SUSD1: variants seen among roughly 807,000 people sequenced by gnomAD.
The protein encoded by SUSD1 is sushi domain containing 1.
Under a neutral mutation model 86.9 loss-of-function variants are expected in SUSD1, and 65 were observed. The observed-to-expected ratio is 0.75, with a 90% CI of 0.61 to 0.92. SUSD1 has a LOEUF of 0.92. Among genes scored for constraint, SUSD1 ranks in the 40% least tolerant of loss-of-function variants. The pLI is 0.00. For missense variants in SUSD1, 850 were observed against 929.7 expected, an observed-to-expected ratio of 0.91 and a Z score of 1.11; for synonymous variants, 346 against 350.0, an observed-to-expected ratio of 0.99 and a Z score of 0.13.
chr9:112,102,501 T>C (rs950034955), intron 8 of SUSD1, among the ~76,000 whole-genome samples: 2 of 152,258 alleles, frequency 1.3e-5, no homozygotes, highest in South Asian at 2.1e-4. Flanking sequence ...CTCAGTCTCC[T>C]TGTTTGTAAA....
At chr9:112,069,368 T>C (rs1469831855) in intron 12 of SUSD1, among the ~76,000 whole-genome samples, 2 of 151,982 alleles carry the variant, frequency 1.3e-5, no homozygotes, top group Non-Finnish European at 2.9e-5. Flanking sequence ...CACTCATTTG[T>C]TGAAATGAAG....
At chr9:112,174,988 G>T (rs1834210749) in intron 1 of SUSD1, 145 bp downstream of exon 1, 3 of 514,138 alleles carry the variant, frequency 5.8e-6, no homozygotes, top group South Asian at 8.4e-5. Context: ...GATCTCCAAC[G>T]GCCGGCGCGG....
Position 112,052,508 on chromosome 9 carries a change from G to A in SUSD1, c.2110-70C>T, listed in dbSNP as rs1014755431. The A allele has an allele frequency of 1.9e-6, 3 of 1,566,586 alleles. No homozygotes were observed. The Admixed American group carries it at 5.0e-5, about 26-fold the overall frequency. ...GTGTCAGTTTAAATATAGTTTGGAG[G>A]CTGAAGCCCTCTGAGTTTCAGCTTT... is the stretch of plus-strand genomic sequence containing the variant. On this transcript the variant is annotated intron_variant, in intron 14 of 16. Transcript: ENST00000374270.
intron 13 of SUSD1, among the ~76,000 whole-genome samples, chr9:112,060,951 T>A (rs1269228376): frequency 1.3e-5 from 2 of 152,136 alleles, no homozygotes; most frequent in African/African-American, 4.8e-5. Context: ...ATCGACAGAG[T>A]ATGAATCAGC....
chr9:112,078,777 T>G (rs1262855935), intron 11 of SUSD1, 53 bp from the exon 12 acceptor site: 2 of 1,488,994 alleles, frequency 1.3e-6, no homozygotes, highest in African/African-American at 2.8e-5. Context: ...AGGCTTTAGA[T>G]GCCTTGAAAC....
intron 12 of SUSD1, among the ~76,000 whole-genome samples, chr9:112,078,195 A>G (rs1220544826): frequency 2.6e-5 from 4 of 152,154 alleles, no homozygotes; most frequent in Admixed American, 6.5e-5. Context: ...AAATACAGAA[A>G]TTAGCCAGGC....
At chr9:112,068,928 G>C (rs1369099613) in intron 12 of SUSD1, among the ~76,000 whole-genome samples, 1 of 152,172 alleles carries the variant, frequency 6.6e-6, no homozygotes, top group Non-Finnish European at 1.5e-5. Context: ...CAAGTCAGCA[G>C]TGATGTCATT....
At chr9:112,102,119 C>T (rs1458719880) in intron 9 of SUSD1, 57 bp downstream of exon 9, 11 of 962,256 alleles carry the variant, frequency 1.1e-5, no homozygotes, top group South Asian at 3.5e-5. Flanking sequence ...ACTTGGAGAT[C>T]GCCCAAATTT....
At chr9:112,097,354 G>A (rs1830439642) in intron 10 of SUSD1, among the ~76,000 whole-genome samples, 1 of 150,598 alleles carries the variant, frequency 6.6e-6, no homozygotes, top group African/African-American at 2.4e-5. Flanking sequence ...TCAGCCTCAG[G>A]TGCTACGTGG....
intron 3 of SUSD1, among the ~76,000 whole-genome samples, chr9:112,146,566 C>G (rs1832817532): frequency 6.6e-6 from 1 of 152,046 alleles, no homozygotes; most frequent in Middle Eastern, 3.4e-3. Flanking sequence ...CTTTCCTCTT[C>G]CCCTCTTCTT....
rs1207460816 is a variant in SUSD1, at chr9:112,086,538, AAAAGAAAGAAAG to A, written c.1475-6385_1475-6374del. 2.9e-4 allele frequency among the ~76,000 whole-genome samples: 40 copies of A among 137,994 alleles called. 1 individual carries two copies. Among genetic ancestry groups the A allele is most frequent in the African/African-American group, 1.3e-3 (38 of 29,674 alleles). The allele number at this position is 137,994 out of a possible 152,430, so 90.5% of individuals were successfully genotyped here. Reference sequence around the variant, plus strand: ...AGAAAGAAAGAGAGAGAGAGAGAAAAAAAGAAAGAAAGAAAGAAAGAAAGAGAGAGAGAGAGA... The same window carrying A: ...AGAAAGAAAGAGAGAGAGAGAGAAAAAAAGAAAGAAAGAGAGAGAGAGAGA... On this transcript the variant is annotated intron_variant, in intron 10 of 16. Transcript: ENST00000374270.
intron 1 of SUSD1, among the ~76,000 whole-genome samples, chr9:112,174,797 C>T (rs1834196067): frequency 6.6e-6 from 1 of 152,180 alleles, no homozygotes; most frequent in Non-Finnish European, 1.5e-5. Context: ...CGCCCTTCCC[C>T]GGGCGCCGCC....
chr9:112,142,238 C>T (rs749139040), intron 5 of SUSD1, 82 bp downstream of exon 5: 79 of 1,210,744 alleles, frequency 6.5e-5, no homozygotes, highest in Non-Finnish European at 5.6e-5. Context: ...TCATTTATTC[C>T]CTGAAACTGA....
rs144345813 is a variant in SUSD1, at chr9:112,156,189, C to T, written c.217+1311G>A. Among the ~76,000 whole-genome samples the T allele has an allele frequency of 3.6e-3, 547 of 151,128 alleles. 4 individuals carry two copies. Among genetic ancestry groups the T allele is most frequent in the Non-Finnish European group, 5.1e-3 (347 of 67,818 alleles). On this transcript the variant is annotated intron_variant, in intron 2 of 16. Transcript: ENST00000374270. ...AAAAAAAAAAAACTCACTGGCCGGG[C>T]GCAGTGGCTGACGCTTGTAATCCCA...
chr9:112,080,125 G>A lies in SUSD1; in HGVS notation c.1515C>T (p.Thr505=). ...TCTTGATGCTTCTCCATCTCAAGCA[G>A]GTTTCATTAAATCCTGAAATGTTAC... ...TISNISGFNE[T]CLRWRSIKTA... The change falls in exon 11 of 17, where the codon ACC becomes ACT. Residue 505 remains threonine, a synonymous_variant. Coordinates refer to ENST00000374270, the MANE Select transcript of SUSD1 (RefSeq NM_022486.5). The A allele has an allele frequency of 6.2e-7, 1 of 1,613,494 alleles. No homozygotes were observed. Among genetic ancestry groups the A allele is most frequent in the Non-Finnish European group, 8.5e-7 (1 of 1,179,640 alleles).
chr9:112,165,942 G>GAAAAGA, intron 1 of SUSD1, among the ~76,000 whole-genome samples: 1 of 71,962 alleles, frequency 1.4e-5, no homozygotes, highest in East Asian at 4.3e-4. Flanking sequence ...AAGAAAGAAA[G>GAAAAGA]AAGAAAGAAA....
At chr9:112,082,181 A>C (rs907161145) in intron 10 of SUSD1, among the ~76,000 whole-genome samples, 2 of 152,022 alleles carry the variant, frequency 1.3e-5, no homozygotes. Context: ...AGTAAATCTA[A>C]GAGACTCAAC....
intron 12 of SUSD1, among the ~76,000 whole-genome samples, chr9:112,066,467 G>A (rs181960096): frequency 1.1e-4 from 17 of 152,308 alleles, no homozygotes; most frequent in Non-Finnish European, 2.1e-4. Context: ...ACAGCACAGA[G>A]AGTGGCAACA....
intron 2 of SUSD1, among the ~76,000 whole-genome samples, chr9:112,154,486 C>G (rs1458239076): frequency 1.3e-5 from 2 of 152,092 alleles, no homozygotes; most frequent in Admixed American, 6.6e-5. Flanking sequence ...ACACTCCAGC[C>G]TGGACAACAG....
Sources: gnomAD v4.1 joint callset for allele counts (sites outside exome capture counted in the v4.1 genomes callset) on GRCh38, gnomAD v4.1.1 for gene constraint, MANE v1.5 for transcripts, NCBI Gene and HGNC (gene_info 2026-07-23, HGNC 2026-07-21) for gene names.